Variants in PITPNM3 observed in about 807,000 individuals in gnomAD.
PITPNM3 encodes the protein PITPNM family member 3, also known as membrane-associated phosphatidylinositol transfer protein 3.
PITPNM3 carries 26 observed loss-of-function variants against 102.0 expected under a neutral mutation model. The ratio of observed to expected loss-of-function variants is 0.25; its 90% confidence interval spans 0.19 to 0.35. The LOEUF is 0.35. Ranked by LOEUF, PITPNM3 falls within the 10% of genes least tolerant of loss-of-function variation. The pLI is 1.00. For synonymous variants in PITPNM3, 578 were observed against 558.6 expected, an observed-to-expected ratio of 1.03 and a Z score of -0.49; for missense variants, 1,083 against 1,346.1, an observed-to-expected ratio of 0.80 and a Z score of 3.06.
At chr17:6,467,176 T>G (rs549367977) in intron 14 of PITPNM3, among the ~76,000 whole-genome samples, 5 of 152,150 alleles carry the variant, frequency 3.3e-5, no homozygotes, top group South Asian at 4.1e-4. Context: ...GGAATATTAT[T>G]CAGCCTCAGA....
intron 9 of PITPNM3, among the ~76,000 whole-genome samples, chr17:6,476,307 G>A (rs776772279): frequency 4.2e-4 from 64 of 152,166 alleles, no homozygotes; most frequent in Non-Finnish European, 9.3e-4. Flanking sequence ...GGGTAAGGAG[G>A]AAGGAGAAAG....
At chr17:6,462,804 T>G (rs1904533612) in intron 17 of PITPNM3, among the ~76,000 whole-genome samples, 1 of 152,020 alleles carries the variant, frequency 6.6e-6, no homozygotes, top group African/African-American at 2.4e-5. Flanking sequence ...GGGATTCTGG[T>G]TAGTTCTGAT....
Position 6,471,183 on chromosome 17 carries a change from C to A in PITPNM3, c.1602G>T (p.Met534Ile), listed in dbSNP as rs1185311577. Residue 534 changes from methionine to isoleucine, a missense_variant, in exon 12 of 20, where the codon ATG becomes ATT. Met to Ile is a conservative substitution (Grantham distance 10). Coordinates refer to ENST00000262483, the MANE Select transcript of PITPNM3 (RefSeq NM_031220.4). ...CACTGCGGGAGGCACCCACGGGTGC[C>A]ATGCTGTCCGAGGACTCCGAGCTCT... ...HSESSESSDS[M>I]APVGASRITA... 4 of 1,612,818 alleles carry A rather than the reference C, an allele frequency of 2.5e-6. No homozygotes were observed. The highest frequency in any genetic ancestry group is 3.4e-6 in the Non-Finnish European group (4 of 1,179,988).
intron 5 of PITPNM3, 149 bp from the exon 6 acceptor site, chr17:6,483,901 C>T: frequency 1.3e-6 from 1 of 783,518 alleles, no homozygotes. Flanking sequence ...GGCACTATGT[C>T]CAGCCTGTCT....
At chr17:6,532,111 A>G (rs1323440165) in intron 2 of PITPNM3, among the ~76,000 whole-genome samples, 1 of 151,998 alleles carries the variant, frequency 6.6e-6, no homozygotes, top group Non-Finnish European at 1.5e-5. Flanking sequence ...CGTCTAAAAA[A>G]AAAAAAAAAG....
rs150429536 is a variant in PITPNM3, at chr17:6,464,175, G to A, written c.2151C>T (p.Val717=). Residue 717 remains valine, a synonymous_variant, in exon 16 of 20, where the codon GTC becomes GTT. Transcript: ENST00000262483. ...LGVGVYPVKM[V]VRGDQTCAMS... is the part of the protein sequence containing the mutation. ...GAATGGCCCCTGGGTCTTACCTGAC[G>A]ACCATCTTCACAGGATAGACACCAA... 61 of 1,614,122 alleles carry A rather than the reference G, an allele frequency of 3.8e-5. No homozygotes were observed. The African/African-American group carries it at 5.3e-4, about 14-fold the overall frequency.
chr17:6,487,273 TA>T (rs1906153447), intron 4 of PITPNM3, among the ~76,000 whole-genome samples: 1 of 152,182 alleles, frequency 6.6e-6, no homozygotes, highest in Admixed American at 6.5e-5. Context: ...AATATGGGGA[TA>T]ATAAAAGCAG....
chr17:6,493,167 G>A (rs1381343355), intron 4 of PITPNM3, among the ~76,000 whole-genome samples: 1 of 152,216 alleles, frequency 6.6e-6, no homozygotes, highest in African/African-American at 2.4e-5. Flanking sequence ...CAGGGTAGTG[G>A]GGCTGCCACA....
At chr17:6,491,367 C>G (rs967158256) in intron 4 of PITPNM3, among the ~76,000 whole-genome samples, 3 of 152,176 alleles carry the variant, frequency 2.0e-5, no homozygotes, top group African/African-American at 7.2e-5. Context: ...TGCGGCCACA[C>G]AAGATGTGGG....
At chr17:6,486,774 C>T (rs939044586) in intron 4 of PITPNM3, among the ~76,000 whole-genome samples, 11 of 152,204 alleles carry the variant, frequency 7.2e-5, no homozygotes, top group East Asian at 3.9e-4. Context: ...TAACACAAGA[C>T]AACAGTAACA....
Position 6,453,032 on chromosome 17 carries a change from GTCTT to G in PITPNM3, c.*2302_*2305del, listed in dbSNP as rs60799398. The G allele has an allele frequency of 0.42, 58,330 of 138,996 alleles. 13,194 individuals carry two copies. The highest frequency in any genetic ancestry group is 0.65 in the Middle Eastern group (187 of 286). 8.6% of individuals were successfully genotyped at this position (138,996 alleles called of 1,614,324 possible). A position where few individuals can be genotyped will look rare whatever the true frequency, so the allele number is the denominator to read the frequency against. ...TCTCTCTCTCTCTCTCTGCCTTCCT[GTCTT>G]TCTTTCTCCCTCTCTCTCTCTGCCT... is the stretch of plus-strand genomic sequence containing the variant. On this transcript the variant is annotated 3_prime_UTR_variant, in exon 20 of 20. Transcript: ENST00000262483.
chr17:6,476,920 G>A (rs1905333376), intron 9 of PITPNM3, 109 bp downstream of exon 9: 1 of 1,370,602 alleles, frequency 7.3e-7, no homozygotes, highest in South Asian at 1.2e-5. Context: ...CAGCATTTCA[G>A]TGCTTATCTA....
intron 3 of PITPNM3, 144 bp from the exon 4 acceptor site, chr17:6,503,718 T>C: frequency 1.2e-6 from 1 of 833,554 alleles, no homozygotes; most frequent in Admixed American, 2.0e-5. Flanking sequence ...CTTCATGCCC[T>C]GCTCTGCCCT....
rs189103536 is a variant in PITPNM3 at position 6,553,614 on chromosome 17, C to T, written c.22+2771G>A. Among the ~76,000 whole-genome samples the T allele has an allele frequency of 2.9e-3, 444 of 152,308 alleles. 5 individuals are homozygous for T. The highest frequency in any genetic ancestry group is 9.6e-3 in the African/African-American group (399 of 41,562). On this transcript the variant is annotated intron_variant, in intron 1 of 19. Transcript: ENST00000262483. ...GGCCCAAAGCTCTGCCTTTTCTCTC[C>T]GTGGGTGATCTACTGGCCAGATTTT... is the stretch of plus-strand genomic sequence containing the variant.
intron 1 of PITPNM3, among the ~76,000 whole-genome samples, chr17:6,549,054 A>T (rs1176945196): frequency 6.6e-6 from 1 of 151,160 alleles, no homozygotes; most frequent in Non-Finnish European, 1.5e-5. Flanking sequence ...GGCTCCCAAC[A>T]CCCCCAGGAA....
In PITPNM3 at chr17:6,484,238, A is replaced by G; in HGVS notation, c.329T>C (p.Ile110Thr). 6.2e-7 allele frequency: 1 copy of G among 1,612,032 alleles called. No individual in the cohort carries two copies. The highest frequency in any genetic ancestry group is 1.1e-5 in the South Asian group (1 of 91,026). The change falls in exon 5 of 20, where the codon ATC becomes ACC. Residue 110 changes from isoleucine to threonine, a missense_variant. Around this residue, in one of 5 missense-constraint regions of PITPNM3, gnomAD observed 290 missense variants for 337.8 expected, o/e 0.86. Transcript: ENST00000262483. ...TACCTCGCTGTCTTCGTGGATCTCG[A>G]TGCTTCCCTGGGCTGGGAACCTCTG... ...RRQRFPAQGS[I>T]EIHEDSEEGC...
chr17:6,519,841 GA>G (rs574784576), intron 3 of PITPNM3, among the ~76,000 whole-genome samples: 11 of 151,656 alleles, frequency 7.3e-5, no homozygotes, highest in Admixed American at 2.0e-4. Flanking sequence ...AAAAAAAAAA[GA>G]AAGAAAGAAA....
chr17:6,529,919 C>T (rs943324327), intron 2 of PITPNM3, among the ~76,000 whole-genome samples: 2 of 152,252 alleles, frequency 1.3e-5, no homozygotes, highest in African/African-American at 4.8e-5. Flanking sequence ...CTCTTTTCCA[C>T]TTCCCCTCCC....
intron 1 of PITPNM3, among the ~76,000 whole-genome samples, chr17:6,542,206 T>C (rs910776379): frequency 2.6e-5 from 4 of 152,212 alleles, no homozygotes; most frequent in South Asian, 2.1e-4. Context: ...TCTAGAACCA[T>C]CTGCCCATCA....
Sources: allele counts gnomAD v4.1 joint callset (sites outside exome capture counted in the v4.1 genomes callset), GRCh38; gene constraint gnomAD v4.1.1; regional missense constraint gnomAD v4.1.1; transcripts MANE v1.5; gene names NCBI Gene and HGNC (gene_info 2026-07-23, HGNC 2026-07-21).